Variants in ZNF500 observed in about 807,000 individuals in gnomAD.
ZNF500 encodes zinc finger protein 500.
In ZNF500, 31 loss-of-function variants were observed where a neutral mutation model predicts 30.1. The ratio of observed to expected loss-of-function variants is 1.03; its 90% CI spans 0.77 to 1.39. ZNF500 has a LOEUF of 1.39. Among genes scored for constraint, ZNF500 ranks in the 40% most tolerant of loss-of-function variants. The probability of loss-of-function intolerance (pLI) is 0.00; values close to 1 mark genes in which losing one functional copy is unlikely to be tolerated. For missense variants in ZNF500, 817 were observed against 657.8 expected, an observed-to-expected ratio of 1.24 and a Z score of -2.65; for synonymous variants, 392 against 282.0, an observed-to-expected ratio of 1.39 and a Z score of -3.91.
In ZNF500 at chr16:4,748,835, G is replaced by C. The variant is rs2082050868; in HGVS notation, c.*3541C>G. ...AGTAGGGCGCCGGGCCTTTGGGACA[G>C]TGTCCCAGCTTCCCCTGGGGTTCAC... is the stretch of plus-strand genomic sequence containing the variant. On this transcript the variant is annotated 3_prime_UTR_variant, in exon 6 of 6. Coordinates refer to ENST00000219478, the MANE Select transcript of ZNF500 (RefSeq NM_021646.4). 6.6e-6 allele frequency: 1 copy of C among 152,366 alleles called. No homozygotes were observed. Among genetic ancestry groups the C allele is most frequent in the African/African-American group, 2.4e-5 (1 of 41,470 alleles). 9.4% of individuals were successfully genotyped at this position (152,366 alleles called of 1,614,324 possible).
chr16:4,761,792 G>A (rs1349586511), intron 4 of ZNF500, among the ~76,000 whole-genome samples: 1 of 151,988 alleles, frequency 6.6e-6, no homozygotes, highest in African/African-American at 2.4e-5. Context: ...GGGAGGTCAA[G>A]GCTGCAGTGA....
intron 5 of ZNF500, among the ~76,000 whole-genome samples, chr16:4,758,937 C>CG (rs2082168051): frequency 6.6e-6 from 1 of 152,168 alleles, no homozygotes. Context: ...AGGCCAGGTG[C>CG]GGTAGCTCAC....
rs372106080 is a variant in ZNF500, at chr16:4,754,643, G to A, written c.761-1585C>T. ...CGTGCCACTGCACTCCAGCCTGGGC[G>A]ACAGAGCGAGACTCTGTCTCAAAAA... On this transcript the variant is annotated intron_variant, in intron 5 of 5. Transcript: ENST00000219478. Among the ~76,000 whole-genome samples, 44 of 149,082 alleles carry A rather than the reference G, an allele frequency of 3.0e-4. No individual in the cohort carries two copies. The Middle Eastern group carries it at 0.01, about 35-fold the overall frequency.
At chr16:4,758,859 T>G (rs117767261) in intron 5 of ZNF500, among the ~76,000 whole-genome samples, 4 of 152,122 alleles carry the variant, frequency 2.6e-5, no homozygotes, top group Non-Finnish European at 4.4e-5. Context: ...AAAACTTTTG[T>G]GCATGAAAGG....
At chr16:4,747,331 A>T (rs770178058), downstream of ZNF500, 136 of 1,547,264 alleles carry the variant, frequency 8.8e-5, no homozygotes, top group Non-Finnish European at 1.1e-4. Context: ...ATTTGGTCTC[A>T]TTGTGTCACA....
At chr16:4,744,861 C>T (rs377694198), downstream of ZNF500, 2 of 1,609,236 alleles carry the variant, frequency 1.2e-6, no homozygotes, top group African/African-American at 1.3e-5. Flanking sequence ...CTCCTTTGGC[C>T]ATCCTCAGAC....
chr16:4,751,405 TC>T lies in ZNF500; in HGVS notation c.*970del. ...CGGCCCTGGGGAGATGTCAGGCCCG[TC>T]ACATCCCAGGCAACATGTCAGGAAG... On this transcript the variant is annotated 3_prime_UTR_variant, in exon 6 of 6. Transcript: ENST00000219478. The T allele has an allele frequency of 1.6e-6, 1 of 635,844 alleles. No homozygotes were observed. The highest frequency in any genetic ancestry group is 3.1e-5 in the Admixed American group (1 of 31,924). 39.4% of individuals were successfully genotyped at this position (635,844 alleles called of 1,614,324 possible).
At position 4,752,993 on chromosome 16, in the gene ZNF500, A is replaced by T. The variant is rs761898407; in HGVS notation, c.826T>A (p.Tyr276Asn). The change falls in exon 6 of 6, where the codon TAC becomes AAC. Residue 276 changes from tyrosine to asparagine, a missense_variant. Tyr to Asn is a moderately radical substitution (Grantham distance 143). Coordinates refer to ENST00000219478, the MANE Select transcript of ZNF500 (RefSeq NM_021646.4). ...TGGCATCGTGCCGAGAGCACTCGGTACCACTCCATTCTCAACGGGGCATCC... is the reference window on the plus strand; with the variant it reads ...TGGCATCGTGCCGAGAGCACTCGGTTCCACTCCATTCTCAACGGGGCATCC... ...REDAPLRMEW[Y>N]RVLSARCQGP... is the part of the protein sequence containing the mutation. 6.3e-7 allele frequency: 1 copy of T among 1,590,698 alleles called. No individual in the cohort carries two copies. Among genetic ancestry groups the T allele is most frequent in the Non-Finnish European group, 8.6e-7 (1 of 1,168,748 alleles).
chr16:4,754,179 GCC>G (rs1567522818), intron 5 of ZNF500, among the ~76,000 whole-genome samples: 30 of 152,288 alleles, frequency 2.0e-4, no homozygotes, highest in African/African-American at 7.0e-4. Flanking sequence ...GTAGGCACAC[GCC>G]ATGCTGACCT....
chr16:4,757,880 G>A (rs2082153110), intron 5 of ZNF500, among the ~76,000 whole-genome samples: 1 of 147,128 alleles, frequency 6.8e-6, no homozygotes, highest in Non-Finnish European at 1.5e-5. Context: ...GGGATTACAG[G>A]TGTGAGCCAC....
chr16:4,749,575 G>A lies in ZNF500; in HGVS notation c.*2801C>T, dbSNP rs1028096165. On this transcript the variant is annotated 3_prime_UTR_variant, in exon 6 of 6. Transcript: ENST00000219478. ...CACGCCTGTAATCCCAGCACTTTGG[G>A]AGGCCGAGGTGGGTGGATCACAAGG... The A allele has an allele frequency of 3.9e-5, 6 of 152,558 alleles. No homozygotes were observed. The highest frequency in any genetic ancestry group is 1.4e-4 in the African/African-American group (6 of 41,588). 9.5% of individuals were successfully genotyped at this position (152,558 alleles called of 1,614,324 possible). A position where few individuals can be genotyped will look rare whatever the true frequency, so the allele number is the denominator to read the frequency against.
chr16:4,752,668 G>A lies in ZNF500; in HGVS notation c.1151C>T (p.Pro384Leu). 6.2e-7 allele frequency: 1 copy of A among 1,613,782 alleles called. No individual in the cohort carries two copies. Among genetic ancestry groups the A allele is most frequent in the Non-Finnish European group, 8.5e-7 (1 of 1,179,890 alleles). Residue 384 changes from proline to leucine, a missense_variant, in exon 6 of 6, where the codon CCC (proline) becomes CTC (leucine). Coordinates refer to ENST00000219478, the MANE Select transcript of ZNF500 (RefSeq NM_021646.4). ...VHTGEKPYPCPECGKRFSQSS... is the reference protein window; with the variant it reads ...VHTGEKPYPCLECGKRFSQSS... Reference sequence around the variant, plus strand: ...CTGGCTGAAGCGCTTCCCACACTCGGGGCACGGGTAGGGCTTCTCGCCTGT... The same window carrying A: ...CTGGCTGAAGCGCTTCCCACACTCGAGGCACGGGTAGGGCTTCTCGCCTGT...
chr16:4,765,530 T>A (rs2082254632), intron 2 of ZNF500, 35 bp downstream of exon 2: 1 of 1,546,256 alleles, frequency 6.5e-7, no homozygotes. Flanking sequence ...CAGGGCCCCA[T>A]TTCCTCACCT....
chr16:4,747,332 T>C (rs1234548249), downstream of ZNF500: 2 of 1,547,880 alleles, frequency 1.3e-6, no homozygotes, highest in African/African-American at 1.4e-5. Flanking sequence ...TTTGGTCTCA[T>C]TGTGTCACAG....
chr16:4,762,504 C>G, intron 3 of ZNF500, 69 bp downstream of exon 3: 1 of 1,548,758 alleles, frequency 6.5e-7, no homozygotes, highest in Non-Finnish European at 8.7e-7. Context: ...TGGCCACAGT[C>G]CACACCCCAG....
intron 5 of ZNF500, among the ~76,000 whole-genome samples, chr16:4,753,432 A>G (rs1349173185): frequency 6.6e-6 from 1 of 152,242 alleles, no homozygotes; most frequent in African/African-American, 2.4e-5. Context: ...ACTACATTCC[A>G]GCCCGGGTGA....
downstream of ZNF500, chr16:4,747,249 G>A (rs1329760632): frequency 7.0e-7 from 1 of 1,424,340 alleles, no homozygotes; most frequent in Non-Finnish European, 9.5e-7. Context: ...TGAAATGGGA[G>A]CTGGGCTCAT....
chr16:4,760,274 G>A (rs1311956865), intron 5 of ZNF500, among the ~76,000 whole-genome samples: 8 of 152,134 alleles, frequency 5.3e-5, no homozygotes, highest in Non-Finnish European at 1.0e-4. Flanking sequence ...GGCAGAGGCA[G>A]AAGAACAGGA....
chr16:4,763,914 C>CA (rs2082234824), intron 2 of ZNF500: 2 of 985,446 alleles, frequency 2.0e-6, no homozygotes, highest in Non-Finnish European at 1.2e-6. Flanking sequence ...AGCACTGCCA[C>CA]AGGAAGAAAG....
Sources: gnomAD v4.1 joint callset for allele counts (sites outside exome capture counted in the v4.1 genomes callset) on GRCh38, gnomAD v4.1.1 for gene constraint, MANE v1.5 for transcripts, NCBI Gene and HGNC (gene_info 2026-07-23, HGNC 2026-07-21) for gene names.